The following GHR variants were observed in gnomAD, a reference collection of about 807,000 sequenced individuals.
The protein encoded by GHR is GH receptor.
In GHR, 35 loss-of-function variants were observed where a neutral mutation model predicts 67.1. The ratio of observed to expected loss-of-function variants is 0.52; its 90% confidence interval spans 0.40 to 0.69. The LOEUF (loss-of-function observed/expected upper bound fraction) is 0.69. Among genes scored for constraint, GHR ranks in the 30% least tolerant of loss-of-function variants. The probability of loss-of-function intolerance (pLI) is 0.00; values close to 1 mark genes in which losing one functional copy is unlikely to be tolerated. For missense variants in GHR, 792 were observed against 764.6 expected (o/e 1.04, Z -0.42); for synonymous variants, 272 against 269.1 (o/e 1.01, Z -0.10).
chr5:42,459,973 G>A (rs1187075052), intron 1 of GHR, among the ~76,000 whole-genome samples: 1 of 152,166 alleles, frequency 6.6e-6, no homozygotes, highest in East Asian at 1.9e-4. Flanking sequence ...TTCACAGGTT[G>A]AAGCCCTAAC....
chr5:42,533,684 T>C (rs767385770), intron 1 of GHR, among the ~76,000 whole-genome samples: 1 of 151,956 alleles, frequency 6.6e-6, no homozygotes, highest in African/African-American at 2.4e-5. Flanking sequence ...TTATATCTTA[T>C]TCTATTCTAT....
chr5:42,593,233 C>A (rs1441186417), intron 2 of GHR, among the ~76,000 whole-genome samples: 1 of 152,118 alleles, frequency 6.6e-6, no homozygotes, highest in African/African-American at 2.4e-5. Context: ...TCTCATAAAT[C>A]TATATTGCAT....
rs35433867 is a variant in GHR, at chr5:42,442,700, T to G, written c.-12+18745T>G. ...GGGCCCATCCCAGTTTCTCAGGAGATTCCAGTGCTTTCCTTAAGGGAGAAT... is the reference window on the plus strand; with the variant it reads ...GGGCCCATCCCAGTTTCTCAGGAGAGTCCAGTGCTTTCCTTAAGGGAGAAT... On this transcript the variant is annotated intron_variant, in intron 1 of 9. Coordinates refer to ENST00000230882, the MANE Select transcript of GHR (RefSeq NM_000163.5). Among the ~76,000 whole-genome samples, 226 of 152,334 alleles carry G rather than the reference T, an allele frequency of 1.5e-3. 1 individual carries two copies. The highest frequency in any genetic ancestry group is 5.1e-3 in the African/African-American group (212 of 41,588).
chr5:42,607,001 A>T (rs1752659783), intron 2 of GHR, among the ~76,000 whole-genome samples: 1 of 152,246 alleles, frequency 6.6e-6, no homozygotes, highest in African/African-American at 2.4e-5. Context: ...AAGATTGATC[A>T]TGGGGACGGT....
chr5:42,696,367 A>G (rs1757673427), intron 5 of GHR, among the ~76,000 whole-genome samples: 1 of 152,226 alleles, frequency 6.6e-6, no homozygotes, highest in Admixed American at 6.5e-5. Context: ...AAAGGCGTGA[A>G]TGACTGACAG....
In GHR at chr5:42,719,564, A is replaced by G; in HGVS notation, c.*140A>G. 2 of 771,976 alleles carry G rather than the reference A, an allele frequency of 2.6e-6. No homozygotes were observed. Among genetic ancestry groups the G allele is most frequent in the Non-Finnish European group, 2.3e-6 (1 of 436,150 alleles). 47.8% of individuals were successfully genotyped at this position (771,976 alleles called of 1,614,324 possible). ...ATGGATTCTAAAATGCCTTTTCCCAAAATGTTGAAATATGATGTTAAAAAA... is the reference window on the plus strand; with the variant it reads ...ATGGATTCTAAAATGCCTTTTCCCAGAATGTTGAAATATGATGTTAAAAAA... On this transcript the variant is annotated 3_prime_UTR_variant, in exon 10 of 10. Transcript: ENST00000230882.
intron 1 of GHR, among the ~76,000 whole-genome samples, chr5:42,518,058 A>G (rs1380693611): frequency 6.6e-6 from 1 of 151,608 alleles, no homozygotes; most frequent in African/African-American, 2.4e-5. Flanking sequence ...ATGAAAAAGA[A>G]TGGTTGTAAT....
chr5:42,699,943 T>G lies in GHR; in HGVS notation c.559T>G (p.Trp187Gly). The change falls in exon 6 of 10, where the codon TGG becomes GGG. Residue 187 changes from tryptophan to glycine, a missense_variant. Trp to Gly is a radical substitution (Grantham distance 184). Coordinates refer to ENST00000230882, the MANE Select transcript of GHR (RefSeq NM_000163.5). Reference sequence around the variant, plus strand: ...ACGCAATGCAGATATTCAGAAAGGATGGATGGTTCTGGAGTATGAACTTCA... The same window carrying G: ...ACGCAATGCAGATATTCAGAAAGGAGGGATGGTTCTGGAGTATGAACTTCA... ...APRNADIQKG[W>G]MVLEYELQYK... 6.3e-7 allele frequency: 1 copy of G among 1,599,234 alleles called. No individual in the cohort carries two copies. Among genetic ancestry groups the G allele is most frequent in the South Asian group, 1.1e-5 (1 of 90,762 alleles).
rs1742737095 is a variant in GHR, at chr5:42,424,171, A to AGAGTGT, written c.-12+217_-12+218insAGTGTG. On this transcript the variant is annotated intron_variant, in intron 1 of 9. Coordinates refer to ENST00000230882, the MANE Select transcript of GHR (RefSeq NM_000163.5). The surrounding 1 kb of genome is among the most constrained non-coding windows in gnomAD (Gnocchi z 4.1). ...CTGGTGGGTTGTTGTAACCCAATCT[A>AGAGTGT]GTGTGTGTGTGTGTGTGTGTGTGTG... 9.9e-6 allele frequency among the ~76,000 whole-genome samples: 1 copy of AGAGTGT among 100,512 alleles called. No homozygotes were observed. The highest frequency in any genetic ancestry group is 3.1e-4 in the East Asian group (1 of 3,232). The allele number at this position is 100,512 out of a possible 152,430, so 65.9% of individuals were successfully genotyped here. A position where few individuals can be genotyped will look rare whatever the true frequency, so the allele number is the denominator to read the frequency against.
At chr5:42,677,960 T>C (rs1280817688) in intron 3 of GHR, among the ~76,000 whole-genome samples, 1 of 152,190 alleles carries the variant, frequency 6.6e-6, no homozygotes, top group Non-Finnish European at 1.5e-5. Flanking sequence ...GTAACAACAG[T>C]TAACAAATCA....
chr5:42,628,138 C>A (rs1361523747), intron 2 of GHR, among the ~76,000 whole-genome samples: 2 of 152,176 alleles, frequency 1.3e-5, no homozygotes, highest in Non-Finnish European at 1.5e-5. Flanking sequence ...CATCTGTCTG[C>A]TGGTCAGCTG....
chr5:42,611,756 A>G (rs749682750), intron 2 of GHR, among the ~76,000 whole-genome samples: 3 of 152,298 alleles, frequency 2.0e-5, no homozygotes, highest in Middle Eastern at 3.4e-3. Context: ...TGGAACTTGA[A>G]TGATAAAGGG....
intron 1 of GHR, among the ~76,000 whole-genome samples, chr5:42,546,906 G>A (rs1184034412): frequency 6.6e-6 from 1 of 152,112 alleles, no homozygotes; most frequent in Admixed American, 6.5e-5. Context: ...TGAAACAGGG[G>A]CAGAGGAGGA....
Position 42,718,487 on chromosome 5 carries a change from C to A in GHR, c.980C>A (p.Ala327Asp). The change falls in exon 10 of 10, where the codon GCC becomes GAC. Residue 327 changes from alanine (A) to aspartate (D), a missense_variant. By Grantham distance (126) the Ala-to-Asp change is moderately radical. Transcript: ENST00000230882. ...GKLEEVNTIL[A>D]IHDSYKPEFH... Reference sequence around the variant, plus strand: ...TTAGAGGAGGTGAACACAATCTTAGCCATTCATGATAGCTATAAACCCGAA... The same window carrying A: ...TTAGAGGAGGTGAACACAATCTTAGACATTCATGATAGCTATAAACCCGAA... 6.2e-7 allele frequency: 1 copy of A among 1,611,174 alleles called. No individual in the cohort carries two copies. Among genetic ancestry groups the A allele is most frequent in the Middle Eastern group, 1.7e-4 (1 of 6,056 alleles).
intron 1 of GHR, among the ~76,000 whole-genome samples, chr5:42,478,153 T>A (rs1745430570): frequency 6.6e-6 from 1 of 152,238 alleles, no homozygotes; most frequent in Admixed American, 6.5e-5. Context: ...CCTTTCCCCA[T>A]TTCTTGTTTT....
chr5:42,519,156 A>G (rs1747367987), intron 1 of GHR, among the ~76,000 whole-genome samples: 1 of 152,106 alleles, frequency 6.6e-6, no homozygotes, highest in South Asian at 2.1e-4. Flanking sequence ...AACTGCTATA[A>G]CCCTCTGTTT....
At chr5:42,605,197 A>G (rs540096813) in intron 2 of GHR, among the ~76,000 whole-genome samples, 2 of 150,118 alleles carry the variant, frequency 1.3e-5, no homozygotes, top group South Asian at 2.1e-4. Flanking sequence ...CCCGGGTTCA[A>G]GTGATTCCCC....
rs370989593 is a variant in GHR, at chr5:42,695,059, G to C, written c.409G>C (p.Asp137His). The change falls in exon 5 of 10, where the codon GAT (aspartate) becomes CAT (histidine). Residue 137 changes from aspartate (D) to histidine (H), a missense_variant. Asp to His is a moderately conservative substitution (Grantham distance 81). Transcript: ENST00000230882. ...IKLTSNGGTV[D>H]EKCFSVDEIV... ...GCTAACTAGCAATGGTGGTACAGTG[G>C]ATGAAAAGTGTTTCTCTGTTGATGA... is the stretch of plus-strand genomic sequence containing the variant. 28 of 1,611,372 alleles carry C rather than the reference G, an allele frequency of 1.7e-5. No homozygotes were observed. The highest frequency in any genetic ancestry group is 1.6e-4 in the Middle Eastern group (1 of 6,082).
chr5:42,684,680 G>A (rs1561225939), intron 3 of GHR, among the ~76,000 whole-genome samples: 1 of 152,112 alleles, frequency 6.6e-6, no homozygotes, highest in Non-Finnish European at 1.5e-5. Context: ...TCTGCCCTCA[G>A]TACCAAGGCA....
Sources: gnomAD v4.1 joint callset for allele counts (sites outside exome capture counted in the v4.1 genomes callset) on GRCh38, gnomAD v4.1.1 for gene constraint, Gnocchi (gnomAD v3.1) non-coding constraint, MANE v1.5 for transcripts, NCBI Gene and HGNC (gene_info 2026-07-23, HGNC 2026-07-21) for gene names.